PSG2: variants seen among roughly 807,000 people sequenced by gnomAD.
The protein encoded by PSG2 is pregnancy specific beta-1-glycoprotein 2.
Under a neutral mutation model 36.2 loss-of-function variants are expected in PSG2, and 49 were observed. The observed-to-expected ratio is 1.35, with a 90% CI of 1.08 to 1.72. The LOEUF (loss-of-function observed/expected upper bound fraction) is 1.72, where lower values mean the gene tolerates loss of function less well. Ranked by LOEUF, PSG2 falls within the 40% of genes most tolerant of loss-of-function variation. PSG2 has a pLI of 0.00. For missense variants in PSG2, 605 were observed against 407.2 expected (o/e 1.49, Z -4.18); for synonymous variants, 261 against 155.6 (o/e 1.68, Z -5.04).
At chr19:43,081,435 T>C (rs1967974354) in intron 1 of PSG2, among the ~76,000 whole-genome samples, 189 bp from the exon 2 acceptor site, 1 of 151,110 alleles carries the variant, frequency 6.6e-6, no homozygotes, top group Admixed American at 6.6e-5. Flanking sequence ...TGTATGTGTG[T>C]GTGTACTACT....
intron 4 of PSG2, among the ~76,000 whole-genome samples, chr19:43,069,114 A>G (rs984178065): frequency 6.6e-6 from 1 of 151,764 alleles, no homozygotes. Flanking sequence ...AATTTATATT[A>G]ACATCAAAAA....
intron 4 of PSG2, among the ~76,000 whole-genome samples, chr19:43,069,109 A>C (rs948886213): frequency 4.0e-5 from 6 of 151,754 alleles, no homozygotes; most frequent in African/African-American, 1.5e-4. Context: ...ATTTCAATTT[A>C]TATTAACATC....
chr19:43,074,688 G>A (rs188638655), intron 3 of PSG2, among the ~76,000 whole-genome samples: 4 of 151,820 alleles, frequency 2.6e-5, no homozygotes, highest in Admixed American at 6.6e-5. Flanking sequence ...CAATGTTTCA[G>A]GGATCCACTT....
At chr19:43,073,987 C>CT (rs543395529) in intron 3 of PSG2, among the ~76,000 whole-genome samples, 17 of 151,500 alleles carry the variant, frequency 1.1e-4, no homozygotes, top group Admixed American at 8.5e-4. Flanking sequence ...TATTCTTGCC[C>CT]TTTTTTTTCT....
rs1967900470 is a variant in PSG2, at chr19:43,076,670, G to A, written c.431-1038C>T. Among the ~76,000 whole-genome samples the A allele has an allele frequency of 2.0e-5, 3 of 151,640 alleles. No individual in the cohort carries two copies. The South Asian group carries it at 6.2e-4, about 31-fold the overall frequency. On this transcript the variant is annotated intron_variant, in intron 2 of 5. Transcript: ENST00000406487. ...TAGAATAGTAGTTTCCAGGAGCTGG[G>A]ATCAGGGGAATAGGGCGTTGTTCTG...
At chr19:43,078,024 A>C (rs1967921866) in intron 2 of PSG2, among the ~76,000 whole-genome samples, 2 of 151,602 alleles carry the variant, frequency 1.3e-5, no homozygotes, top group South Asian at 4.1e-4. Flanking sequence ...GGGTGATATG[A>C]GCCCATGGGC....
chr19:43,075,937 G>A (rs904696706), intron 2 of PSG2, among the ~76,000 whole-genome samples: 4 of 151,488 alleles, frequency 2.6e-5, no homozygotes, highest in African/African-American at 9.8e-5. Context: ...CCTCCATCTC[G>A]AAGTGCCTGC....
At chr19:43,070,977 C>T (rs1318059788) in intron 4 of PSG2, among the ~76,000 whole-genome samples, 2 of 151,678 alleles carry the variant, frequency 1.3e-5, no homozygotes, top group Non-Finnish European at 1.5e-5. Context: ...CATGCTGTGT[C>T]CCACGTACTG....
chr19:43,066,957 G>A (rs1967748599), intron 4 of PSG2, among the ~76,000 whole-genome samples: 1 of 151,362 alleles, frequency 6.6e-6, no homozygotes, highest in African/African-American at 2.4e-5. Context: ...AGTCATGAAT[G>A]AGACTCTGTC....
At chr19:43,068,385 G>C (rs1967770731) in intron 4 of PSG2, among the ~76,000 whole-genome samples, 1 of 150,344 alleles carries the variant, frequency 6.7e-6, no homozygotes, top group African/African-American at 2.5e-5. Context: ...GCTGCAGTGA[G>C]CCATAATCAC....
At position 43,066,994 on chromosome 19, in the gene PSG2, G is replaced by A. The variant is rs191247232; in HGVS notation, c.965-394C>T. ...GGTCTCCATGGCAGGGACCTGATTGGCAGAAGGCCCAGGTCAGTGCATTTC... is the reference window on the plus strand; with the variant it reads ...GGTCTCCATGGCAGGGACCTGATTGACAGAAGGCCCAGGTCAGTGCATTTC... On this transcript the variant is annotated intron_variant, in intron 4 of 5. Coordinates refer to ENST00000406487, the MANE Select transcript of PSG2 (RefSeq NM_031246.4). Among the ~76,000 whole-genome samples the A allele has an allele frequency of 7.0e-3, 1,062 of 151,446 alleles. 34 individuals carry two copies. The highest frequency in any genetic ancestry group is 0.021 in the African/African-American group (858 of 41,010).
Position 43,071,689 on chromosome 19 carries a change from G to T in PSG2, c.964+11C>A, listed in dbSNP as rs1967818053. ...AAAACCCTACTGCCAAGGATGCTGG[G>T]ATCCACTTACCAGAGACTTTGACTG... On this transcript the variant is annotated intron_variant, in intron 4 of 5. Coordinates refer to ENST00000406487, the MANE Select transcript of PSG2 (RefSeq NM_031246.4). 2 of 1,612,900 alleles carry T rather than the reference G, an allele frequency of 1.2e-6. No individual in the cohort carries two copies. The highest frequency in any genetic ancestry group is 1.7e-6 in the Non-Finnish European group (2 of 1,179,400).
intron 2 of PSG2, among the ~76,000 whole-genome samples, chr19:43,078,638 A>C (rs1451757297): frequency 3.3e-5 from 5 of 151,582 alleles, no homozygotes; most frequent in African/African-American, 1.2e-4. Flanking sequence ...CTCATTTTTC[A>C]GTCCTGTGCC....
intron 2 of PSG2, among the ~76,000 whole-genome samples, chr19:43,077,749 C>T (rs10409886): frequency 0.3 from 44,995 of 151,516 alleles, 8,809 homozygotes; most frequent in African/African-American, 0.53. Flanking sequence ...AAAATTGCTA[C>T]TGTCAAAACA....
intron 2 of PSG2, among the ~76,000 whole-genome samples, chr19:43,075,864 G>A (rs558126898): frequency 6.6e-6 from 1 of 151,672 alleles, no homozygotes; most frequent in South Asian, 2.1e-4. Flanking sequence ...GTATTGAGCA[G>A]CAGCATTGGG....
chr19:43,075,092 C>A (rs1040745721), intron 3 of PSG2, among the ~76,000 whole-genome samples: 2 of 151,798 alleles, frequency 1.3e-5, no homozygotes, highest in African/African-American at 4.9e-5. Flanking sequence ...GTTCACTGAT[C>A]TGGAGCCTGA....
At chr19:43,079,293 T>A (rs796708524) in intron 2 of PSG2, among the ~76,000 whole-genome samples, 3 of 151,300 alleles carry the variant, frequency 2.0e-5, no homozygotes, top group East Asian at 1.9e-4. Context: ...CAAGGAGCCC[T>A]GAGAACCCTC....
Position 43,075,464 on chromosome 19 carries a change from C to A in PSG2, c.599G>T (p.Arg200Met), listed in dbSNP as rs1157464477. 8 of 1,613,036 alleles carry A rather than the reference C, an allele frequency of 5.0e-6. 1 individual carries two copies. In the African/African-American group the frequency reaches 1.1e-4, roughly 22 times the overall value. The change falls in exon 3 of 6, where the codon AGG (arginine) becomes ATG (methionine). Residue 200 changes from arginine (R) to methionine (M), a missense_variant. Physicochemically the swap from Arg to Met is moderately conservative, Grantham distance 91. Coordinates refer to ENST00000406487, the MANE Select transcript of PSG2 (RefSeq NM_031246.4). ...THRFQLSETN[R>M]TLFLFGVTKY... The stretch of plus-strand genomic sequence containing the variant: ...TGTGACACCAAATAGAAAGAGGGTC[C>A]TGTTGGTTTCGGACAGCTGAAACCT...
intron 4 of PSG2, among the ~76,000 whole-genome samples, chr19:43,070,688 T>C (rs536050711): frequency 2.8e-4 from 43 of 151,586 alleles, no homozygotes; most frequent in Non-Finnish European, 5.9e-4. Context: ...GTGCTAAGGG[T>C]TCGAGGGAGA....
Sources: gnomAD v4.1 joint callset for allele counts (sites outside exome capture counted in the v4.1 genomes callset) on GRCh38, gnomAD v4.1.1 for gene constraint, MANE v1.5 for transcripts, NCBI Gene and HGNC (gene_info 2026-07-23, HGNC 2026-07-21) for gene names.